Variants in MYO1B observed in about 807,000 individuals in gnomAD.
MYO1B encodes the protein unconventional myosin-Ib.
Under a neutral mutation model 159.7 loss-of-function variants are expected in MYO1B, and 72 were observed. The ratio of observed to expected loss-of-function variants is 0.45; its 90% confidence interval spans 0.37 to 0.55. MYO1B has a LOEUF of 0.55. Among genes scored for constraint, MYO1B ranks in the 20% least tolerant of loss-of-function variants. The pLI, the probability that MYO1B is intolerant of heterozygous loss-of-function variation, is 0.00. For synonymous variants in MYO1B, 468 were observed against 473.8 expected (o/e 0.99, Z 0.16); for missense variants, 1,062 against 1,364.8 (o/e 0.78, Z 3.50).
rs530234786 is a variant in MYO1B at position 191,387,439 on chromosome 2, A to G, written c.1770A>G (p.Pro590=). 38 of 1,614,054 alleles carry G rather than the reference A, an allele frequency of 2.4e-5. No homozygotes were observed. Among genetic ancestry groups the G allele is most frequent in the South Asian group, 8.8e-5 (8 of 91,074 alleles). ...TLMKNLQTKN[P]NYIRCIKPND... ...TGAAAAACCTACAGACCAAGAACCCAAACTATATTAGGTATTTTTGGCACA... is the reference window on the plus strand; with the variant it reads ...TGAAAAACCTACAGACCAAGAACCCGAACTATATTAGGTATTTTTGGCACA... The change falls in exon 17 of 31, where the codon CCA becomes CCG. Residue 590 remains proline (P), a synonymous_variant. Transcript: ENST00000392318.
At chr2:191,339,507 A>G (rs575736713) in intron 4 of MYO1B, among the ~76,000 whole-genome samples, 51 of 152,296 alleles carry the variant, frequency 3.3e-4, no homozygotes, top group African/African-American at 1.1e-3. Context: ...AGTGCCCTGT[A>G]AAAGAACGGT....
At chr2:191,274,691 T>C (rs1687645348) in intron 1 of MYO1B, among the ~76,000 whole-genome samples, 1 of 152,180 alleles carries the variant, frequency 6.6e-6, no homozygotes, top group Non-Finnish European at 1.5e-5. Flanking sequence ...GACAAATTTA[T>C]TGTGACAAAT....
chr2:191,273,021 A>C (rs570400335), intron 1 of MYO1B, among the ~76,000 whole-genome samples: 75 of 152,360 alleles, frequency 4.9e-4, no homozygotes, highest in African/African-American at 1.8e-3. Flanking sequence ...TACATCACTG[A>C]AAACTTGAGA....
chr2:191,248,659 C>T (rs189610432), intron 1 of MYO1B, among the ~76,000 whole-genome samples: 14 of 152,272 alleles, frequency 9.2e-5, no homozygotes, highest in Non-Finnish European at 1.8e-4. Context: ...ATCATTTTTG[C>T]ACCATTATAG....
At chr2:191,271,369 G>A (rs559632944) in intron 1 of MYO1B, among the ~76,000 whole-genome samples, 3 of 151,962 alleles carry the variant, frequency 2.0e-5, no homozygotes, top group Admixed American at 2.0e-4. Flanking sequence ...AACTCTTTTG[G>A]CTTTGTTTTA....
At chr2:191,299,865 A>T (rs751154266) in intron 3 of MYO1B, among the ~76,000 whole-genome samples, 2 of 152,266 alleles carry the variant, frequency 1.3e-5, no homozygotes, top group Non-Finnish European at 2.9e-5. Context: ...TTAGATAATG[A>T]TCTAATACGT....
rs747675926 is a variant in MYO1B, at chr2:191,390,490, C to T, written c.1980C>T (p.Ala660=). Residue 660 remains alanine (A), a splice_region_variant and synonymous_variant, in exon 18 of 31, where the codon GCC becomes GCT. Transcript: ENST00000392318. ...KQTWPHWKGP[A]RSGVEVLFNE... ...CATGGCCTCATTGGAAAGGACCAGC[C>T]AGGTAAGAAATTCAGTGACCATATT... The T allele has an allele frequency of 6.2e-7, 1 of 1,611,738 alleles. No homozygotes were observed. Among genetic ancestry groups the T allele is most frequent in the African/African-American group, 1.3e-5 (1 of 74,958 alleles).
At chr2:191,412,271 T>C (rs2126170802) in intron 27 of MYO1B, among the ~76,000 whole-genome samples, 2 of 152,370 alleles carry the variant, frequency 1.3e-5, no homozygotes, top group South Asian at 4.1e-4. Flanking sequence ...TTCAGCTTTT[T>C]TTTTATACAT....
intron 7 of MYO1B, among the ~76,000 whole-genome samples, chr2:191,355,698 T>C (rs1693229895): frequency 6.6e-6 from 1 of 152,220 alleles, no homozygotes; most frequent in Non-Finnish European, 1.5e-5. Flanking sequence ...CTGAGCCCTC[T>C]GTGCACGGCC....
intron 6 of MYO1B, among the ~76,000 whole-genome samples, 163 bp downstream of exon 6, chr2:191,346,445 AT>A (rs1005561749): frequency 6.6e-6 from 1 of 152,152 alleles, no homozygotes; most frequent in African/African-American, 2.4e-5. Flanking sequence ...GATTTCTGGA[AT>A]TTTCCTTTTG....
intron 1 of MYO1B, among the ~76,000 whole-genome samples, chr2:191,272,813 C>A (rs369292610): frequency 6.6e-6 from 1 of 152,188 alleles, no homozygotes; most frequent in African/African-American, 2.4e-5. Context: ...TATTAAATAG[C>A]GAAGATGATC....
intron 3 of MYO1B, among the ~76,000 whole-genome samples, chr2:191,314,168 G>T (rs926516986): frequency 6.6e-6 from 1 of 152,144 alleles, no homozygotes; most frequent in African/African-American, 2.4e-5. Context: ...TTGTAATCAT[G>T]GTGAATTTCC....
chr2:191,364,449 T>C lies in MYO1B; in HGVS notation c.1032+173T>C, dbSNP rs73984103. 8.9e-3 allele frequency among the ~76,000 whole-genome samples: 1,359 copies of C among 152,336 alleles called. 21 individuals are homozygous for C. The highest frequency in any genetic ancestry group is 0.031 in the African/African-American group (1,294 of 41,568). On this transcript the variant is annotated intron_variant, in intron 11 of 30. Coordinates refer to ENST00000392318, the MANE Select transcript of MYO1B (RefSeq NM_001130158.3). ...TAAGGATCCCTGCCCTCATGGAGCT[T>C]AAAATTCTGGTAGAGGGAATTAGAT...
chr2:191,391,142 A>G (rs770818568), intron 18 of MYO1B, among the ~76,000 whole-genome samples: 75 of 152,350 alleles, frequency 4.9e-4, no homozygotes, highest in South Asian at 1.2e-3. Context: ...CGGCTGTTGC[A>G]GGAGAGAAAT....
chr2:191,392,999 C>T, intron 19 of MYO1B, 74 bp from the exon 20 acceptor site: 1 of 1,373,878 alleles, frequency 7.3e-7, no homozygotes, highest in Non-Finnish European at 1.0e-6. Context: ...CATTTTGTCT[C>T]CTGAAAATTC....
chr2:191,257,004 G>A (rs990786523), intron 1 of MYO1B, among the ~76,000 whole-genome samples: 3 of 151,538 alleles, frequency 2.0e-5, no homozygotes, highest in African/African-American at 7.3e-5. Context: ...TCCCTTAGTG[G>A]TCCTCTTGCC....
At chr2:191,332,777 C>T in intron 4 of MYO1B, among the ~76,000 whole-genome samples, 1 of 152,196 alleles carries the variant, frequency 6.6e-6, no homozygotes, top group South Asian at 2.1e-4. Context: ...ATCCACTGTA[C>T]TAAGCTGCAT....
intron 2 of MYO1B, among the ~76,000 whole-genome samples, chr2:191,282,601 C>G (rs934973941): frequency 3.9e-5 from 6 of 152,146 alleles, no homozygotes; most frequent in Non-Finnish European, 8.8e-5. Flanking sequence ...AGGCCCATTC[C>G]CAGCGTGAAC....
chr2:191,350,591 AT>A (rs748736467), intron 7 of MYO1B, among the ~76,000 whole-genome samples: 29 of 152,234 alleles, frequency 1.9e-4, no homozygotes, highest in African/African-American at 5.1e-4. Flanking sequence ...GATAAAAAAA[AT>A]ATAAATAATT....
Sources: gnomAD v4.1 joint callset for allele counts (sites outside exome capture counted in the v4.1 genomes callset) on GRCh38, gnomAD v4.1.1 for gene constraint, MANE v1.5 for transcripts, NCBI Gene and HGNC (gene_info 2026-07-23, HGNC 2026-07-21) for gene names.